The following AFF3 variants were observed in gnomAD, a reference collection of about 807,000 sequenced individuals.
AFF3 encodes AF4/FMR2 family member 3.
AFF3 carries 32 observed loss-of-function variants against 129.7 expected under a neutral mutation model. That is an observed-to-expected ratio of 0.25 (90% confidence interval 0.19 to 0.33). The LOEUF (loss-of-function observed/expected upper bound fraction) is 0.33. Among genes scored for constraint, AFF3 ranks in the 10% least tolerant of loss-of-function variants. The pLI, the probability that AFF3 is intolerant of heterozygous loss-of-function variation, is 1.00. For missense variants in AFF3, 1,373 were observed against 1,592.0 expected (o/e 0.86, Z 2.34); for synonymous variants, 644 against 635.4 (o/e 1.01, Z -0.20).
chr2:100,098,362 C>T (rs1690440298), intron 4 of AFF3, among the ~76,000 whole-genome samples: 1 of 152,070 alleles, frequency 6.6e-6, no homozygotes, highest in African/African-American at 2.4e-5. Flanking sequence ...GCCACCAAGG[C>T]TTTATTCCCA....
intron 13 of AFF3, 104 bp from the exon 14 acceptor site, chr2:99,601,725 C>T (rs1038352347): frequency 2.2e-5 from 29 of 1,335,116 alleles, no homozygotes; most frequent in South Asian, 5.7e-5. Context: ...GGAGGAGGCA[C>T]GCAGCCTACA....
At chr2:99,618,792 T>C (rs902725924) in intron 13 of AFF3, among the ~76,000 whole-genome samples, 3 of 152,214 alleles carry the variant, frequency 2.0e-5, no homozygotes, top group African/African-American at 7.2e-5. Context: ...GTGTACAAGA[T>C]TGCACAGCAA....
intron 7 of AFF3, among the ~76,000 whole-genome samples, chr2:99,856,121 T>C (rs1420606620): frequency 6.6e-6 from 1 of 152,138 alleles, no homozygotes; most frequent in East Asian, 1.9e-4. Context: ...ACGAAATGTG[T>C]GGTATTCTAG....
intron 18 of AFF3, 116 bp downstream of exon 18, chr2:99,578,210 GA>G (rs1276069443): frequency 8.1e-5 from 112 of 1,387,062 alleles, no homozygotes; most frequent in East Asian, 3.4e-4. Flanking sequence ...AGTCCCAGGG[GA>G]AAAAAAGGCC....
At chr2:99,735,355 A>C (rs1270496406) in intron 10 of AFF3, among the ~76,000 whole-genome samples, 1 of 149,792 alleles carries the variant, frequency 6.7e-6, no homozygotes, top group East Asian at 1.9e-4. Context: ...TTAAAATTTT[A>C]TCTCTGCTAT....
At chr2:99,572,293 A>ACCCCCC (rs71376487) in intron 18 of AFF3, among the ~76,000 whole-genome samples, 1 of 43,194 alleles carries the variant, frequency 2.3e-5, no homozygotes, top group Non-Finnish European at 4.1e-5. Context: ...CCCTCCCACC[A>ACCCCCC]CCCCCCCCCC....
intron 7 of AFF3, among the ~76,000 whole-genome samples, chr2:99,874,345 T>C (rs1444392281): frequency 2.0e-5 from 3 of 152,160 alleles, no homozygotes; most frequent in Non-Finnish European, 1.5e-5. Context: ...GTGTCTGTGT[T>C]CTCAAAATAT....
At chr2:99,829,619 A>G (rs1465118893) in intron 8 of AFF3, among the ~76,000 whole-genome samples, 1 of 152,244 alleles carries the variant, frequency 6.6e-6, no homozygotes. Flanking sequence ...AGATCATTAA[A>G]AAGTCAGGCA....
intron 8 of AFF3, among the ~76,000 whole-genome samples, chr2:99,822,327 G>A (rs894744406): frequency 1.3e-5 from 2 of 149,248 alleles, no homozygotes; most frequent in African/African-American, 2.5e-5. Flanking sequence ...GGGGATGGGG[G>A]TGGAGGTCAG....
intron 4 of AFF3, among the ~76,000 whole-genome samples, chr2:100,022,006 T>G (rs1683635796): frequency 6.6e-6 from 1 of 152,200 alleles, no homozygotes; most frequent in Non-Finnish European, 1.5e-5. Flanking sequence ...TTCTGTAACT[T>G]CCTTTGGTGA....
At chr2:99,555,139 G>A (rs549304476) in intron 22 of AFF3, among the ~76,000 whole-genome samples, 1 of 152,100 alleles carries the variant, frequency 6.6e-6, no homozygotes, top group Non-Finnish European at 1.5e-5. Context: ...CCACAGCCTG[G>A]GTTTTTATGT....
chr2:99,898,741 T>C (rs1694156254), intron 7 of AFF3, among the ~76,000 whole-genome samples: 1 of 152,192 alleles, frequency 6.6e-6, no homozygotes, highest in Non-Finnish European at 1.5e-5. Flanking sequence ...GATCACCTCC[T>C]GCCACCAGAC....
intron 7 of AFF3, among the ~76,000 whole-genome samples, chr2:99,990,749 A>G (rs59228803): frequency 6.6e-6 from 1 of 152,302 alleles, no homozygotes; most frequent in East Asian, 1.9e-4. Flanking sequence ...TAAAATTTGG[A>G]AGAATATGAG....
chr2:99,869,654 G>A (rs990895040), intron 7 of AFF3, among the ~76,000 whole-genome samples: 4 of 152,126 alleles, frequency 2.6e-5, no homozygotes, highest in Non-Finnish European at 5.9e-5. Context: ...GGACATCAGG[G>A]CAGCAGCACA....
Position 99,547,526 on chromosome 2 carries a change from A to G in AFF3, c.*3948T>C, listed in dbSNP as rs1674120202. 1 of 206,908 alleles carries G rather than the reference A, an allele frequency of 4.8e-6. No homozygotes were observed. Among genetic ancestry groups the G allele is most frequent in the Non-Finnish European group, 9.9e-6 (1 of 101,304 alleles). The allele number at this position is 206,908 out of a possible 1,614,324, so 12.8% of individuals were successfully genotyped here. A position where few individuals can be genotyped will look rare whatever the true frequency, so the allele number is the denominator to read the frequency against. On this transcript the variant is annotated 3_prime_UTR_variant, in exon 25 of 25. Transcript: ENST00000672756. ...TTTTTTTTTGGTGATGCAGATTTCA[A>G]CAGTAACTCTGGAAAACTGTGAAAA...
rs535017173 is a variant in AFF3 at position 99,889,942 on chromosome 2, G to A, written c.874-52418C>T. ...CCCAAAGTGTTGGGATTACAGGCAT[G>A]AGCCACCGCATCCAGCCTGAAAGTT... On this transcript the variant is annotated intron_variant, in intron 7 of 24. Transcript: ENST00000672756. Among the ~76,000 whole-genome samples, 16 of 152,332 alleles carry A rather than the reference G, an allele frequency of 1.1e-4. No individual in the cohort carries two copies. The South Asian group carries it at 2.1e-3, about 20-fold the overall frequency.
chr2:99,788,675 A>G (rs1684979575), intron 8 of AFF3, among the ~76,000 whole-genome samples: 1 of 152,216 alleles, frequency 6.6e-6, no homozygotes, highest in African/African-American at 2.4e-5. Flanking sequence ...TTTTTTAAAA[A>G]TAAATTTAGT....
intron 13 of AFF3, chr2:99,631,103 G>T: frequency 2.9e-6 from 1 of 342,068 alleles, no homozygotes; most frequent in South Asian, 2.3e-5. Flanking sequence ...TGGCTCCTGG[G>T]AGTGCCTGGA....
chr2:99,814,701 A>G lies in AFF3; in HGVS notation c.921+22776T>C, dbSNP rs1405775850. Among the ~76,000 whole-genome samples the G allele has an allele frequency of 2.6e-5, 4 of 152,208 alleles. No homozygotes were observed. The East Asian group carries it at 5.8e-4, about 22-fold the overall frequency. On this transcript the variant is annotated intron_variant, in intron 8 of 24. Coordinates refer to ENST00000672756, the MANE Select transcript of AFF3 (RefSeq NM_001386135.1). ...AGGGCCCCAGCTAAAAAATAAAAGA[A>G]GGAGAAATACAAGGCAGTGGAAGAG...
Sources: gnomAD v4.1 joint callset for allele counts (sites outside exome capture counted in the v4.1 genomes callset) on GRCh38, gnomAD v4.1.1 for gene constraint, MANE v1.5 for transcripts, NCBI Gene and HGNC (gene_info 2026-07-23, HGNC 2026-07-21) for gene names.